XKR4: variants seen among roughly 807,000 people sequenced by gnomAD.
The protein encoded by XKR4 is XK related 4, also known as XK-related protein 4.
XKR4 carries 12 observed loss-of-function variants against 53.9 expected under a neutral mutation model. The ratio of observed to expected loss-of-function variants is 0.22; its 90% CI spans 0.14 to 0.36. The LOEUF is 0.36. XKR4 is among the 10% of genes least tolerant of loss of function. XKR4 has a pLI of 1.00. For missense variants in XKR4, 799 were observed against 859.5 expected (o/e 0.93, Z 0.88); for synonymous variants, 354 against 362.4 (o/e 0.98, Z 0.26).
rs1806936880 is a variant in XKR4 at position 55,530,546 on chromosome 8, T to G, written c.*6319T>G. ...TCAATGATATTGTTGCCTAGTAAGCTGTGTGTGTGTTGTTTGAACTGATAC... is the reference window on the plus strand; with the variant it reads ...TCAATGATATTGTTGCCTAGTAAGCGGTGTGTGTGTTGTTTGAACTGATAC... On this transcript the variant is annotated 3_prime_UTR_variant, in exon 3 of 3. Coordinates refer to ENST00000327381, the MANE Select transcript of XKR4 (RefSeq NM_052898.2). 6.6e-6 allele frequency: 1 copy of G among 152,174 alleles called. No homozygotes were observed. The allele number at this position is 152,174 out of a possible 1,614,324, so 9.4% of individuals were successfully genotyped here.
At chr8:55,313,749 C>T (rs1198425746) in intron 1 of XKR4, among the ~76,000 whole-genome samples, 1 of 152,126 alleles carries the variant, frequency 6.6e-6, no homozygotes, top group Non-Finnish European at 1.5e-5. Flanking sequence ...AGTGATTTGG[C>T]CTGGGAGGAT....
Position 55,182,157 on chromosome 8 carries a change from GT to G in XKR4, c.806+78872del, listed in dbSNP as rs1167145671. On this transcript the variant is annotated intron_variant, in intron 1 of 2. Transcript: ENST00000327381. ...TCATTATGAATTTTGAAAGTTAGTT[GT>G]TTTTTTTTAATTGAATATGTGGCTT... 1.9e-4 allele frequency among the ~76,000 whole-genome samples: 28 copies of G among 150,160 alleles called. No individual in the cohort carries two copies. In the East Asian group the frequency reaches 4.3e-3, roughly 23 times the overall value.
intron 1 of XKR4, among the ~76,000 whole-genome samples, chr8:55,301,250 G>GT (rs1185004995): frequency 6.7e-6 from 1 of 149,864 alleles, no homozygotes; most frequent in Non-Finnish European, 1.5e-5. Context: ...GCGGTGTTTG[G>GT]TTTTTTGTCC....
intron 1 of XKR4, among the ~76,000 whole-genome samples, chr8:55,116,163 A>G (rs943489501): frequency 2.0e-5 from 3 of 152,144 alleles, no homozygotes; most frequent in Admixed American, 2.0e-4. Context: ...TGCTGGCTGG[A>G]TGGAAGGGAT....
chr8:55,479,333 G>T (rs560353797), intron 2 of XKR4, among the ~76,000 whole-genome samples: 2 of 152,116 alleles, frequency 1.3e-5, no homozygotes, highest in South Asian at 4.2e-4. Context: ...CAGAAATAAA[G>T]ATGTTCTTTG....
intron 1 of XKR4, among the ~76,000 whole-genome samples, chr8:55,105,494 T>G (rs1363432783): frequency 6.6e-6 from 1 of 152,232 alleles, no homozygotes; most frequent in Non-Finnish European, 1.5e-5. Context: ...TAAGCATTTC[T>G]ATAGTATTTT....
At position 55,540,298 on chromosome 8, in the gene XKR4, C is replaced by T. The variant is rs1225996125; in HGVS notation, c.*16071C>T. On this transcript the variant is annotated 3_prime_UTR_variant, in exon 3 of 3. Coordinates refer to ENST00000327381, the MANE Select transcript of XKR4 (RefSeq NM_052898.2). Reference sequence around the variant, plus strand: ...TATTCCATGAACAAGTGATAGAAAACATATGGAAATTCTCTTTTGATCAAA... The same window carrying T: ...TATTCCATGAACAAGTGATAGAAAATATATGGAAATTCTCTTTTGATCAAA... 2 of 152,138 alleles carry T rather than the reference C, an allele frequency of 1.3e-5. No homozygotes were observed. The highest frequency in any genetic ancestry group is 1.3e-4 in the Admixed American group (2 of 15,276). The allele number at this position is 152,138 out of a possible 1,614,324, so 9.4% of individuals were successfully genotyped here.
At chr8:55,351,868 A>G (rs970963968) in intron 1 of XKR4, among the ~76,000 whole-genome samples, 1 of 152,224 alleles carries the variant, frequency 6.6e-6, no homozygotes. Flanking sequence ...CTACTTTTCC[A>G]TTCAAATCTC....
In XKR4 at chr8:55,455,187, C is replaced by T. The variant is rs562617976; in HGVS notation, c.1007-68094C>T. 1.1e-4 allele frequency: 56 copies of T among 488,674 alleles called. No homozygotes were observed. In the East Asian group the frequency reaches 1.3e-3, roughly 11 times the overall value. 30.3% of individuals were successfully genotyped at this position (488,674 alleles called of 1,614,324 possible). A position where few individuals can be genotyped will look rare whatever the true frequency, so the allele number is the denominator to read the frequency against. Reference sequence around the variant, plus strand: ...CCGCGGCTCGGGGACTCGAGGGCTGCGCGCTCATGGCCCGGGCCTGGCCCT... The same window carrying T: ...CCGCGGCTCGGGGACTCGAGGGCTGTGCGCTCATGGCCCGGGCCTGGCCCT... On this transcript the variant is annotated intron_variant, in intron 2 of 2. Transcript: ENST00000327381.
At position 55,524,103 on chromosome 8, in the gene XKR4, A is replaced by T; in HGVS notation, c.1829A>T (p.His610Leu). Residue 610 changes from histidine to leucine, a missense_variant, in exon 3 of 3, where the codon CAT becomes CTT. Around this residue, in one of 3 missense-constraint regions of XKR4, gnomAD observed 269 missense variants for 264.4 expected, o/e 1.02. Coordinates refer to ENST00000327381, the MANE Select transcript of XKR4 (RefSeq NM_052898.2). ...FRNRYPAWER[H>L]VLDRSLRKAI... The stretch of plus-strand genomic sequence containing the variant: ...AATAGGTACCCAGCATGGGAGAGAC[A>T]TGTTTTGGACCGAAGCCTCCGAAAG... 1 of 1,614,216 alleles carries T rather than the reference A, an allele frequency of 6.2e-7. No individual in the cohort carries two copies. The highest frequency in any genetic ancestry group is 1.3e-5 in the African/African-American group (1 of 75,066).
chr8:55,137,485 T>C (rs924208099), intron 1 of XKR4, among the ~76,000 whole-genome samples: 1 of 151,702 alleles, frequency 6.6e-6, no homozygotes, highest in Non-Finnish European at 1.5e-5. Context: ...GAAAGGAAAA[T>C]ATAAAAATAT....
rs147858349 is a variant in XKR4, at chr8:55,333,712, G to A, written c.807-23966G>A. The stretch of plus-strand genomic sequence containing the variant: ...TTTTGGAAGTCTGAGTGCTGAGTTA[G>A]GTGACACAGAGACCATTATCTGAAG... On this transcript the variant is annotated intron_variant, in intron 1 of 2. Coordinates refer to ENST00000327381, the MANE Select transcript of XKR4 (RefSeq NM_052898.2). Among the ~76,000 whole-genome samples the A allele has an allele frequency of 2.4e-3, 360 of 152,136 alleles. 2 individuals are homozygous for A. The highest frequency in any genetic ancestry group is 8.2e-3 in the African/African-American group (340 of 41,524).
rs1468527089 is a variant in XKR4 at position 55,346,853 on chromosome 8, C to A, written c.807-10825C>A. ...TGTATTTTTCAGACAGTAAAAATAA[C>A]AACTGATAACAGCCAAACTGTTTAA... On this transcript the variant is annotated intron_variant, in intron 1 of 2. Transcript: ENST00000327381. 2.6e-5 allele frequency among the ~76,000 whole-genome samples: 4 copies of A among 152,048 alleles called. No homozygotes were observed. In the East Asian group the frequency reaches 7.7e-4, roughly 29 times the overall value.
intron 1 of XKR4, among the ~76,000 whole-genome samples, chr8:55,131,303 T>C (rs1816551462): frequency 6.6e-6 from 1 of 152,232 alleles, no homozygotes; most frequent in Admixed American, 6.5e-5. Context: ...ACTTTAGAGA[T>C]CCTCAAAGAA....
At chr8:55,137,394 T>C (rs1816645823) in intron 1 of XKR4, among the ~76,000 whole-genome samples, 1 of 152,314 alleles carries the variant, frequency 6.6e-6, no homozygotes, top group African/African-American at 2.4e-5. Context: ...CCTGCTGTGA[T>C]CAAGGCATTT....
At chr8:55,426,222 CAG>C (rs1489385421) in intron 2 of XKR4, among the ~76,000 whole-genome samples, 3 of 152,226 alleles carry the variant, frequency 2.0e-5, no homozygotes, top group Admixed American at 6.5e-5. Flanking sequence ...GACAATTGCA[CAG>C]AGTTTCTTTT....
rs562907205 is a variant in XKR4 at position 55,498,528 on chromosome 8, C to G, written c.1007-24753C>G. On this transcript the variant is annotated intron_variant, in intron 2 of 2. Coordinates refer to ENST00000327381, the MANE Select transcript of XKR4 (RefSeq NM_052898.2). ...GGCACAGTGGCTCACCCCTGTAATCCCAGCACTTTGGGAGGCCGAGGTGGG... is the reference window on the plus strand; with the variant it reads ...GGCACAGTGGCTCACCCCTGTAATCGCAGCACTTTGGGAGGCCGAGGTGGG... Among the ~76,000 whole-genome samples, 7 of 152,274 alleles carry G rather than the reference C, an allele frequency of 4.6e-5. No homozygotes were observed. The East Asian group carries it at 1.4e-3, about 29-fold the overall frequency.
At chr8:55,161,547 A>G (rs927511333) in intron 1 of XKR4, 3 of 456,292 alleles carry the variant, frequency 6.6e-6, no homozygotes, top group Admixed American at 2.3e-5. Context: ...AAAACCTCCC[A>G]CTACTGCTGC....
chr8:55,208,559 C>T (rs981889462), intron 1 of XKR4, among the ~76,000 whole-genome samples: 8 of 152,130 alleles, frequency 5.3e-5, no homozygotes, highest in East Asian at 3.9e-4. Flanking sequence ...CTCTGCCTCC[C>T]GGGTTCAAGT....
Sources: allele counts gnomAD v4.1 joint callset (sites outside exome capture counted in the v4.1 genomes callset), GRCh38; gene constraint gnomAD v4.1.1; regional missense constraint gnomAD v4.1.1; transcripts MANE v1.5; gene names NCBI Gene and HGNC (gene_info 2026-07-23, HGNC 2026-07-21).